AK4: variants seen among roughly 807,000 people sequenced by gnomAD.
The protein encoded by AK4 is adenylate kinase 4.
Under a neutral mutation model 24.6 loss-of-function variants are expected in AK4, and 13 were observed. The observed-to-expected ratio is 0.53, with a 90% confidence interval of 0.34 to 0.84. The LOEUF (loss-of-function observed/expected upper bound fraction) is 0.84, where lower values mean the gene tolerates loss of function less well. AK4 is among the 40% of genes least tolerant of loss of function. AK4 has a pLI of 0.01. For missense variants in AK4, 192 were observed against 288.2 expected (o/e 0.67, Z 2.42); for synonymous variants, 88 against 107.0 (o/e 0.82, Z 1.10).
At chr1:65,209,477 G>A (rs1407777427) in intron 2 of AK4, among the ~76,000 whole-genome samples, 1 of 152,172 alleles carries the variant, frequency 6.6e-6, no homozygotes, top group Non-Finnish European at 1.5e-5. Flanking sequence ...GACAAAATTT[G>A]AGGGTGCATT....
At chr1:65,155,172 T>C (rs1212627385) in intron 1 of AK4, among the ~76,000 whole-genome samples, 1 of 152,082 alleles carries the variant, frequency 6.6e-6, no homozygotes, top group Non-Finnish European at 1.5e-5. Flanking sequence ...GTTTTAAACG[T>C]AGCTTACAAA....
chr1:65,181,076 G>A (rs967235376), intron 1 of AK4, among the ~76,000 whole-genome samples: 1 of 150,308 alleles, frequency 6.7e-6, no homozygotes. Context: ...GTGAACATTC[G>A]TTCAGCTCTG....
intron 1 of AK4, among the ~76,000 whole-genome samples, chr1:65,185,482 A>G (rs1651066606): frequency 6.6e-6 from 1 of 152,144 alleles, no homozygotes; most frequent in Non-Finnish European, 1.5e-5. Context: ...TCTTCCAGGT[A>G]TACCAAAGGG....
chr1:65,194,306 C>T (rs768846035), intron 2 of AK4, among the ~76,000 whole-genome samples: 9 of 152,114 alleles, frequency 5.9e-5, no homozygotes, highest in Non-Finnish European at 1.3e-4. Context: ...CCATAAAGCC[C>T]TAGGGCACAG....
At chr1:65,172,251 A>T (rs1650561854) in intron 1 of AK4, among the ~76,000 whole-genome samples, 1 of 151,448 alleles carries the variant, frequency 6.6e-6, no homozygotes, top group South Asian at 2.1e-4. Context: ...CCAAGTTAAA[A>T]AAGTTAATCG....
At chr1:65,202,250 A>AGCCGGGCGTGGTTGCAG (rs1651682501) in intron 2 of AK4, among the ~76,000 whole-genome samples, 1 of 151,906 alleles carries the variant, frequency 6.6e-6, no homozygotes, top group Admixed American at 6.6e-5. Context: ...ACGAAAAATT[A>AGCCGGGCGTGGTTGCAG]GCCGGGCGTG....
At chr1:65,188,773 T>C (rs6700762) in intron 1 of AK4, among the ~76,000 whole-genome samples, 64,190 of 151,012 alleles carry the variant, frequency 0.43, 14,864 homozygotes, top group East Asian at 0.67. Context: ...CCACCGCGCC[T>C]GACCTACTTA....
At chr1:65,224,908 C>A in intron 4 of AK4, 38 bp downstream of exon 4, 1 of 1,537,866 alleles carries the variant, frequency 6.5e-7, no homozygotes. Flanking sequence ...AAAGGACAGA[C>A]TGGAAAGGTG....
chr1:65,158,832 A>T (rs774606722), intron 1 of AK4, among the ~76,000 whole-genome samples: 2 of 152,132 alleles, frequency 1.3e-5, no homozygotes, highest in Non-Finnish European at 2.9e-5. Flanking sequence ...TTAAAAAAGC[A>T]TGAGTAGATA....
At chr1:65,154,163 G>A (rs1211484968) in intron 1 of AK4, among the ~76,000 whole-genome samples, 1 of 152,156 alleles carries the variant, frequency 6.6e-6, no homozygotes, top group Non-Finnish European at 1.5e-5. Context: ...AGTGGCCTGT[G>A]GTTTGAACTT....
At position 65,231,464 on chromosome 1, in the gene AK4, C is replaced by T. The variant is rs1652644199; in HGVS notation, c.*5287C>T. ...AATAATTAGGTTATTCCCAGAAGCA[C>T]AGTGTCATTCTTTAAATAAAAGCTT... On this transcript the variant is annotated 3_prime_UTR_variant, in exon 5 of 5. Coordinates refer to ENST00000327299, the MANE Select transcript of AK4 (RefSeq NM_013410.4). The T allele has an allele frequency of 6.6e-6, 1 of 152,138 alleles. No homozygotes were observed. Among genetic ancestry groups the T allele is most frequent in the African/African-American group, 2.4e-5 (1 of 41,436 alleles). 9.4% of individuals were successfully genotyped at this position (152,138 alleles called of 1,614,324 possible).
intron 1 of AK4, among the ~76,000 whole-genome samples, chr1:65,179,375 G>T (rs1208815328): frequency 6.6e-6 from 1 of 152,132 alleles, no homozygotes; most frequent in Non-Finnish European, 1.5e-5. Context: ...AAATGGACTG[G>T]GGCCAACTTG....
rs187572516 is a variant in AK4, at chr1:65,212,266, G to A, written c.266-6488G>A. On this transcript the variant is annotated intron_variant, in intron 2 of 4. Coordinates refer to ENST00000327299, the MANE Select transcript of AK4 (RefSeq NM_013410.4). ...CCATGATGCCCTGCTTTTTAGGTAG[G>A]TAGAAGAAAGATAGACAGGGTAACA... Among the ~76,000 whole-genome samples, 103 of 152,138 alleles carry A rather than the reference G, an allele frequency of 6.8e-4. 1 individual carries two copies. The Middle Eastern group carries it at 0.021, about 30-fold the overall frequency.
At chr1:65,182,536 A>AT (rs1341886007) in intron 1 of AK4, among the ~76,000 whole-genome samples, 1 of 151,558 alleles carries the variant, frequency 6.6e-6, no homozygotes, top group East Asian at 1.9e-4. Flanking sequence ...AGACATTCAG[A>AT]TAAAAAAAAA....
intron 2 of AK4, among the ~76,000 whole-genome samples, chr1:65,204,960 TTTAAATGAA>T (rs1412425989): frequency 1.3e-5 from 2 of 152,232 alleles, no homozygotes; most frequent in Non-Finnish European, 2.9e-5. Context: ...AAATGTACAC[TTTAAATGAA>T]TTAATTGTAT....
Position 65,231,674 on chromosome 1 carries a change from A to G in AK4, c.*5497A>G, listed in dbSNP as rs1652651601. On this transcript the variant is annotated 3_prime_UTR_variant, in exon 5 of 5. Transcript: ENST00000327299. Reference sequence around the variant, plus strand: ...TTAGGGAAGACTAAAGGGAAGAAAAATGAAAACTCAGTCTTTATGTAAGCT... The same window carrying G: ...TTAGGGAAGACTAAAGGGAAGAAAAGTGAAAACTCAGTCTTTATGTAAGCT... 1 of 152,250 alleles carries G rather than the reference A, an allele frequency of 6.6e-6. No individual in the cohort carries two copies. The highest frequency in any genetic ancestry group is 2.4e-5 in the African/African-American group (1 of 41,472). The allele number at this position is 152,250 out of a possible 1,614,324, so 9.4% of individuals were successfully genotyped here.
chr1:65,206,017 G>A (rs1180368502), intron 2 of AK4, among the ~76,000 whole-genome samples: 1 of 151,178 alleles, frequency 6.6e-6, no homozygotes, highest in Non-Finnish European at 1.5e-5. Context: ...TGGATCGCTG[G>A]ATACAGATCC....
At chr1:65,198,873 T>G (rs1360090361) in intron 2 of AK4, among the ~76,000 whole-genome samples, 1 of 151,868 alleles carries the variant, frequency 6.6e-6, no homozygotes, top group Non-Finnish European at 1.5e-5. Context: ...GCCCAGGAGT[T>G]TGAGACCAGC....
chr1:65,157,538 C>G (rs1378424907), intron 1 of AK4, among the ~76,000 whole-genome samples: 1 of 152,090 alleles, frequency 6.6e-6, no homozygotes, highest in South Asian at 2.1e-4. Flanking sequence ...AATCCCAGCA[C>G]TTTGGGAGGC....
Sources: gnomAD v4.1 joint callset for allele counts (sites outside exome capture counted in the v4.1 genomes callset) on GRCh38, gnomAD v4.1.1 for gene constraint, MANE v1.5 for transcripts, NCBI Gene and HGNC (gene_info 2026-07-23, HGNC 2026-07-21) for gene names.